SLC44A5: variants seen among roughly 807,000 people sequenced by gnomAD.
SLC44A5 encodes solute carrier family 44 member 5.
In SLC44A5, 57 loss-of-function variants were observed where a neutral mutation model predicts 101.8. The observed-to-expected ratio is 0.56, with a 90% CI of 0.45 to 0.70. The LOEUF is 0.70. Among genes scored for constraint, SLC44A5 ranks in the 30% least tolerant of loss-of-function variants. SLC44A5 has a pLI of 0.00. For missense variants in SLC44A5, 737 were observed against 853.1 expected (o/e 0.86, Z 1.70); for synonymous variants, 281 against 290.9 (o/e 0.97, Z 0.35).
At chr1:75,452,159 G>A (rs1009801725) in intron 2 of SLC44A5, among the ~76,000 whole-genome samples, 2 of 152,090 alleles carry the variant, frequency 1.3e-5, no homozygotes, top group African/African-American at 2.4e-5. Flanking sequence ...AAAAAGGTCA[G>A]ATCACATACA....
chr1:75,251,296 T>C lies in SLC44A5; in HGVS notation c.261-2A>G. On this transcript the variant is annotated splice_acceptor_variant, in intron 6 of 23. Transcript: ENST00000370859. LOFTEE classifies it high-confidence loss of function. ...AAGTAAAACAAAATGGTCTTGTTCC[T>C]GTTAAGAAAGAAAACATAATCTTTT... The C allele has an allele frequency of 1.9e-6, 3 of 1,609,154 alleles. No individual in the cohort carries two copies. Among genetic ancestry groups the C allele is most frequent in the Non-Finnish European group, 2.6e-6 (3 of 1,176,428 alleles).
intron 3 of SLC44A5, among the ~76,000 whole-genome samples, chr1:75,342,976 C>A (rs1022493410): frequency 2.0e-5 from 3 of 151,892 alleles, no homozygotes; most frequent in African/African-American, 4.8e-5. Context: ...TATTGTCATG[C>A]AAATTTTTTA....
chr1:75,565,753 C>T (rs1672753529), intron 1 of SLC44A5, among the ~76,000 whole-genome samples: 1 of 152,142 alleles, frequency 6.6e-6, no homozygotes. Context: ...GGTAATAATT[C>T]CTGCCTCCAG....
At chr1:75,719,124 C>T in the SLC44A5 span, among the ~76,000 whole-genome samples, 436 of 152,174 alleles carry the variant, frequency 2.9e-3, 4 homozygotes, top group African/African-American at 1.0e-2. Flanking sequence ...AGACTGGTTC[C>T]CTAAGAAGTT....
chr1:75,394,127 A>T (rs1488697322), intron 3 of SLC44A5, among the ~76,000 whole-genome samples: 5 of 152,124 alleles, frequency 3.3e-5, no homozygotes, highest in Admixed American at 3.3e-4. Flanking sequence ...CCAGAGAAGG[A>T]GAGATCAGAG....
intron 6 of SLC44A5, among the ~76,000 whole-genome samples, chr1:75,273,553 C>A (rs7516812): frequency 0.34 from 51,946 of 151,932 alleles, 10,533 homozygotes; most frequent in East Asian, 0.85. Flanking sequence ...TAAGTCCCTT[C>A]TATTCCTTTT....
chr1:75,569,103 A>C (rs549472460), intron 1 of SLC44A5, among the ~76,000 whole-genome samples: 6 of 152,274 alleles, frequency 3.9e-5, no homozygotes, highest in African/African-American at 1.4e-4. Context: ...AGGAACGTCC[A>C]GCCCCATCAC....
intron 2 of SLC44A5, among the ~76,000 whole-genome samples, chr1:75,534,090 A>G (rs1670869213): frequency 6.6e-6 from 1 of 152,174 alleles, no homozygotes; most frequent in Non-Finnish European, 1.5e-5. Context: ...CCCATGCAGT[A>G]CTCGAGACAG....
chr1:75,480,515 G>T (rs1342917299), intron 2 of SLC44A5, among the ~76,000 whole-genome samples: 1 of 152,150 alleles, frequency 6.6e-6, no homozygotes, highest in African/African-American at 2.4e-5. Flanking sequence ...CATTGTCTCA[G>T]CCCAAAATCT....
chr1:75,396,776 C>T, intron 2 of SLC44A5, 155 bp from the exon 3 acceptor site: 1 of 602,178 alleles, frequency 1.7e-6, no homozygotes, highest in Admixed American at 2.7e-5. Context: ...ATTCTTTATA[C>T]ACAAAGCTGC....
chr1:75,571,335 C>CA (rs760429163), intron 1 of SLC44A5, among the ~76,000 whole-genome samples: 5 of 152,054 alleles, frequency 3.3e-5, no homozygotes, highest in Admixed American at 6.6e-5. Flanking sequence ...TAAAGAAACA[C>CA]AGAGGATATA....
rs145280320 is a variant in SLC44A5, at chr1:75,247,382, T to C, written c.345+3828A>G. On this transcript the variant is annotated intron_variant, in intron 7 of 23. Coordinates refer to ENST00000370859, the MANE Select transcript of SLC44A5 (RefSeq NM_001130058.2). ...AAGTCAGAGATTAGGAATTCAGTTG[T>C]GGACATGTTAAATTTGAGATGCCAA... 8.6e-3 allele frequency among the ~76,000 whole-genome samples: 1,306 copies of C among 152,180 alleles called. 21 individuals are homozygous for C. Among genetic ancestry groups the C allele is most frequent in the African/African-American group, 0.03 (1,253 of 41,540 alleles).
the SLC44A5 span, among the ~76,000 whole-genome samples, chr1:75,671,158 G>A: frequency 6.6e-6 from 1 of 152,146 alleles, no homozygotes; most frequent in African/African-American, 2.4e-5. Flanking sequence ...CTGGGGTATA[G>A]GAATTCCCCC....
chr1:75,459,369 G>A (rs547188352), intron 2 of SLC44A5, among the ~76,000 whole-genome samples: 1 of 152,122 alleles, frequency 6.6e-6, no homozygotes, highest in African/African-American at 2.4e-5. Flanking sequence ...TGGACATTCA[G>A]TTCTGAGCCT....
intron 6 of SLC44A5, among the ~76,000 whole-genome samples, chr1:75,258,531 G>GGACTTACAGATAAAACCCCCAA (rs1553150439): frequency 1.3e-5 from 2 of 152,120 alleles, no homozygotes; most frequent in Non-Finnish European, 2.9e-5. Context: ...CCCCAGTCAG[G>GGACTTACAGATAAAACCCCCAA]GACTTACAGA....
the SLC44A5 span, among the ~76,000 whole-genome samples, chr1:75,666,322 A>T: frequency 2.6e-5 from 4 of 152,156 alleles, no homozygotes; most frequent in Admixed American, 2.0e-4. Context: ...AAACTAGAAA[A>T]TCTAGAAGAA....
At chr1:75,561,938 T>C (rs1472080000) in intron 1 of SLC44A5, among the ~76,000 whole-genome samples, 1 of 151,430 alleles carries the variant, frequency 6.6e-6, no homozygotes, top group Non-Finnish European at 1.5e-5. Flanking sequence ...TTTTTTGTTA[T>C]AAGAACACAA....
chr1:75,642,565 C>T, the SLC44A5 span, among the ~76,000 whole-genome samples: 68 of 148,502 alleles, frequency 4.6e-4, 1 homozygote, highest in Admixed American at 3.3e-4. Flanking sequence ...CTTATAGAGA[C>T]GAATAAGAAA....
chr1:75,643,133 A>T, the SLC44A5 span, among the ~76,000 whole-genome samples: 766 of 152,250 alleles, frequency 5.0e-3, 12 homozygotes, highest in African/African-American at 0.018. Context: ...CTTTGGAAAG[A>T]TTTGCTCTTG....
Sources: allele counts gnomAD v4.1 joint callset (sites outside exome capture counted in the v4.1 genomes callset), GRCh38; gene constraint gnomAD v4.1.1; transcripts MANE v1.5; gene names NCBI Gene and HGNC (gene_info 2026-07-23, HGNC 2026-07-21).